PDE4D: variants seen among roughly 807,000 people sequenced by gnomAD.
PDE4D encodes 3',5'-cyclic-AMP phosphodiesterase 4D.
A neutral mutation model predicts 87.4 loss-of-function variants in PDE4D; 24 were observed. The ratio of observed to expected loss-of-function variants is 0.27; its 90% CI spans 0.20 to 0.39. The LOEUF (loss-of-function observed/expected upper bound fraction) is 0.39. PDE4D is among the 10% of genes least tolerant of loss of function. PDE4D has a pLI of 1.00. For missense variants in PDE4D, 714 were observed against 1,041.0 expected, an observed-to-expected ratio of 0.69 and a Z score of 4.32; for synonymous variants, 384 against 383.2, an observed-to-expected ratio of 1.00 and a Z score of -0.02.
At chr5:59,911,167 C>T (rs951755306) in intron 3 of PDE4D, among the ~76,000 whole-genome samples, 1 of 152,174 alleles carries the variant, frequency 6.6e-6, no homozygotes, top group Non-Finnish European at 1.5e-5. Flanking sequence ...GTAGGACTAA[C>T]AAATTTGCCA....
intron 1 of PDE4D, among the ~76,000 whole-genome samples, chr5:59,525,647 G>T (rs1812974411): frequency 6.6e-6 from 1 of 152,188 alleles, no homozygotes; most frequent in Non-Finnish European, 1.5e-5. Flanking sequence ...ATATGGTCTG[G>T]CTCTGTGTCC....
chr5:59,477,713 A>G (rs753280827), intron 1 of PDE4D, among the ~76,000 whole-genome samples: 39 of 152,200 alleles, frequency 2.6e-4, no homozygotes, highest in Non-Finnish European at 4.7e-4. Flanking sequence ...ATGCCCAAAG[A>G]ATACAAATCA....
intron 5 of PDE4D, among the ~76,000 whole-genome samples, chr5:59,103,904 C>A (rs1161087549): frequency 6.6e-6 from 1 of 152,188 alleles, no homozygotes; most frequent in African/African-American, 2.4e-5. Flanking sequence ...CCTGGGCTGT[C>A]TAGACTTGGA....
intron 5 of PDE4D, among the ~76,000 whole-genome samples, chr5:59,158,667 A>G (rs761065958): frequency 6.6e-6 from 1 of 152,238 alleles, no homozygotes; most frequent in Non-Finnish European, 1.5e-5. Context: ...ATAATAAAAT[A>G]TTAGGAAAAA....
intron 2 of PDE4D, among the ~76,000 whole-genome samples, chr5:60,169,907 T>A (rs1783265146): frequency 6.6e-6 from 1 of 152,016 alleles, no homozygotes; most frequent in Non-Finnish European, 1.5e-5. Context: ...TTTGTGGACC[T>A]GCAAATTATA....
At chr5:59,531,653 G>GGCCCCC (rs1814237026) in intron 1 of PDE4D, among the ~76,000 whole-genome samples, 2 of 152,204 alleles carry the variant, frequency 1.3e-5, no homozygotes, top group African/African-American at 4.8e-5. Flanking sequence ...CTTGGCTCCA[G>GGCCCCC]GCCCCCTTCT....
At chr5:60,060,959 C>A (rs185916057) in intron 2 of PDE4D, among the ~76,000 whole-genome samples, 1 of 152,158 alleles carries the variant, frequency 6.6e-6, no homozygotes, top group Admixed American at 6.6e-5. Flanking sequence ...TTCTGACAAA[C>A]CCACAGCCAA....
At chr5:59,129,407 C>T (rs959722928) in intron 5 of PDE4D, among the ~76,000 whole-genome samples, 4 of 151,974 alleles carry the variant, frequency 2.6e-5, no homozygotes, top group African/African-American at 4.8e-5. Flanking sequence ...CCAGCAAAGA[C>T]GTGTTTTTAA....
chr5:59,065,159 A>G (rs1763743405), intron 5 of PDE4D, among the ~76,000 whole-genome samples: 1 of 151,848 alleles, frequency 6.6e-6, no homozygotes. Flanking sequence ...CTAAAAAAGG[A>G]AGGAAATCCT....
chr5:60,207,015 G>T (rs760586802), intron 1 of PDE4D, among the ~76,000 whole-genome samples: 1 of 152,198 alleles, frequency 6.6e-6, no homozygotes, highest in Non-Finnish European at 1.5e-5. Flanking sequence ...GTAGGCTAGG[G>T]ACATGAAAAC....
intron 1 of PDE4D, among the ~76,000 whole-genome samples, chr5:60,259,729 C>T (rs539920252): frequency 3.8e-4 from 58 of 152,062 alleles, no homozygotes; most frequent in Non-Finnish European, 3.5e-4. Flanking sequence ...GGTATAAGCA[C>T]AGGAATAGAC....
At chr5:59,070,941 G>A (rs1389848707) in intron 5 of PDE4D, among the ~76,000 whole-genome samples, 2 of 152,116 alleles carry the variant, frequency 1.3e-5, no homozygotes, top group Non-Finnish European at 2.9e-5. Context: ...CAAGGGTAAT[G>A]TTTTTAGAGT....
chr5:59,305,866 T>C (rs1771229306), intron 1 of PDE4D, among the ~76,000 whole-genome samples: 1 of 152,172 alleles, frequency 6.6e-6, no homozygotes, highest in African/African-American at 2.4e-5. Context: ...GAATAGAATG[T>C]ATATTTTGCA....
Position 59,893,583 on chromosome 5 carries a change from T to G in PDE4D, c.40A>C (p.Ser14Arg), listed in dbSNP as rs1225337341. 1.3e-6 allele frequency: 2 copies of G among 1,524,000 alleles called. No individual in the cohort carries two copies. The highest frequency in any genetic ancestry group is 2.6e-5 in the East Asian group (1 of 38,140). 94.4% of individuals were successfully genotyped at this position (1,524,000 alleles called of 1,614,324 possible). The change falls in exon 1 of 15, where the codon AGC becomes CGC. Residue 14 changes from serine to arginine, a missense_variant. By Grantham distance (110) the Ser-to-Arg change is moderately radical (BLOSUM62 -1). Around this residue, in one of 7 missense-constraint regions of PDE4D, gnomAD observed 268 missense variants for 272.9 expected, o/e 0.98. Transcript: ENST00000340635. ...CCGGCGCTGTCGCTGCCCTCTCCGC[T>G]GCCCGCCCGGGCCGGCGCGCTGCTG... ...EGSSAPARAG[S>R]GEGSDSAGGA... is the part of the protein sequence containing the mutation.
At chr5:59,913,632 T>C (rs756791108) in intron 3 of PDE4D, among the ~76,000 whole-genome samples, 3 of 152,158 alleles carry the variant, frequency 2.0e-5, no homozygotes, top group Non-Finnish European at 4.4e-5. Flanking sequence ...GTAAATATAG[T>C]ATATTTGTAT....
intron 1 of PDE4D, among the ~76,000 whole-genome samples, chr5:59,227,163 T>G (rs574120624): frequency 6.6e-6 from 1 of 152,128 alleles, no homozygotes; most frequent in Admixed American, 6.5e-5. Context: ...ATTTCCAAAA[T>G]GCACTCTTTC....
chr5:59,494,329 T>C (rs1806757825), intron 1 of PDE4D, among the ~76,000 whole-genome samples: 1 of 152,218 alleles, frequency 6.6e-6, no homozygotes, highest in African/African-American at 2.4e-5. Flanking sequence ...AATGATGGAT[T>C]GCAGGTCTCA....
chr5:59,158,165 G>A (rs1337171852), intron 5 of PDE4D, among the ~76,000 whole-genome samples: 3 of 152,158 alleles, frequency 2.0e-5, no homozygotes, highest in African/African-American at 7.2e-5. Flanking sequence ...TGTGTCAGAC[G>A]TGCTGAATGA....
At chr5:59,108,901 C>T (rs1772080540) in intron 5 of PDE4D, among the ~76,000 whole-genome samples, 1 of 71,096 alleles carries the variant, frequency 1.4e-5, no homozygotes, top group African/African-American at 6.1e-5. Flanking sequence ...AGTGAGATTC[C>T]TTCTCAAAAA....
Sources: gnomAD v4.1 joint callset for allele counts (sites outside exome capture counted in the v4.1 genomes callset) on GRCh38, gnomAD v4.1.1 for gene constraint, gnomAD v4.1.1 regional missense constraint, MANE v1.5 for transcripts, NCBI Gene and HGNC (gene_info 2026-07-23, HGNC 2026-07-21) for gene names.